The following TCP11 variants were observed in gnomAD, a reference collection of about 807,000 sequenced individuals.
TCP11 encodes the protein t-complex 11, also known as T-complex protein 11 homolog.
A neutral mutation model predicts 45.0 loss-of-function variants in TCP11; 34 were observed. The observed-to-expected ratio is 0.76, with a 90% CI of 0.57 to 1.01. The LOEUF (loss-of-function observed/expected upper bound fraction) is 1.01, where lower values mean the gene tolerates loss of function less well. TCP11 is among the 50% of genes least tolerant of loss of function. TCP11 has a pLI of 0.00. For missense variants in TCP11, 523 were observed against 598.1 expected, an observed-to-expected ratio of 0.87 and a Z score of 1.31; for synonymous variants, 227 against 227.0, an observed-to-expected ratio of 1.00 and a Z score of 0.00.
chr6:35,137,991 C>G (rs924251617), intron 2 of TCP11: 2 of 347,124 alleles, frequency 5.8e-6, no homozygotes, highest in Non-Finnish European at 1.1e-5. Flanking sequence ...GAGAATGCCC[C>G]TGTTCTTAGA....
intron 2 of TCP11, among the ~76,000 whole-genome samples, chr6:35,138,933 A>T (rs912485785): frequency 6.6e-6 from 1 of 152,216 alleles, no homozygotes; most frequent in Non-Finnish European, 1.5e-5. Context: ...CTTGCCTATA[A>T]TCCCAGCACT....
At position 35,120,553 on chromosome 6, in the gene TCP11, C is replaced by T; in HGVS notation, c.809G>A (p.Ser270Asn). Residue 270 changes from serine (S) to asparagine (N), a missense_variant, in exon 7 of 10, where the codon AGT (serine) becomes AAT (asparagine). Coordinates refer to ENST00000311875, the MANE Select transcript of TCP11 (RefSeq NM_001370687.1). This position sits in a 1 kb window ranked among gnomAD's most constrained non-coding sequence, Gnocchi z 4.9. ...PTCPDTSDSS[S>N]VAGPSPNEAA... ...CTCATTGGGAGAGGGGCCAGCCACA[C>T]TGGAGGAGTCAGAAGTGTCTGGGCA... The T allele has an allele frequency of 2.5e-6, 4 of 1,613,980 alleles. No homozygotes were observed. The highest frequency in any genetic ancestry group is 3.4e-6 in the Non-Finnish European group (4 of 1,180,030).
At position 35,141,255 on chromosome 6, in the gene TCP11, CGCGGCCTG is replaced by C. The variant is rs142118879; in HGVS notation, c.-73_-66del. 0.65 allele frequency: 871,399 copies of C among 1,340,718 alleles called. 293,284 individuals carry two copies. The highest frequency in any genetic ancestry group is 0.69 in the Non-Finnish European group (727,024 of 1,049,448). The allele number at this position is 1,340,718 out of a possible 1,614,324, so 83.1% of individuals were successfully genotyped here. A position where few individuals can be genotyped will look rare whatever the true frequency, so the allele number is the denominator to read the frequency against. On this transcript the variant is annotated 5_prime_UTR_variant, in exon 1 of 10. Coordinates refer to ENST00000311875, the MANE Select transcript of TCP11 (RefSeq NM_001370687.1). The stretch of plus-strand genomic sequence containing the variant: ...CCACTGGCGTCCGCTCGGTGGGCCT[CGCGGCCTG>C]GCGGCCTGGAGCGTACCACCGCGGC...
rs200719262 is a variant in TCP11, at chr6:35,140,816, T to C, written c.55A>G (p.Arg19Gly). 3.2e-5 allele frequency: 50 copies of C among 1,549,902 alleles called. No homozygotes were observed. In the Admixed American group the frequency reaches 1.0e-3, roughly 32 times the overall value. ...PPKYPGDSEGRSCKPETSGPP... is the reference protein window; with the variant it reads ...PPKYPGDSEGGSCKPETSGPP... ...CCTGAGGTTTCGGGCTTACAGGACC[T>C]GCCCTCTGAGTCGCCAGGATATTTC... Residue 19 changes from arginine to glycine, a missense_variant, in exon 2 of 10, where the codon AGG becomes GGG. This residue lies in a region of TCP11 where 225 missense variants were observed against 210.2 expected (regional missense o/e 1.07). Transcript: ENST00000311875.
rs1177713151 is a variant in TCP11, at chr6:35,120,771, G to A, written c.716-125C>T. 3 of 1,403,036 alleles carry A rather than the reference G, an allele frequency of 2.1e-6. No individual in the cohort carries two copies. The highest frequency in any genetic ancestry group is 2.9e-6 in the Non-Finnish European group (3 of 1,028,618). The allele number at this position is 1,403,036 out of a possible 1,614,324, so 86.9% of individuals were successfully genotyped here. On this transcript the variant is annotated intron_variant, in intron 6 of 9. Coordinates refer to ENST00000311875, the MANE Select transcript of TCP11 (RefSeq NM_001370687.1). This position sits in a 1 kb window ranked among gnomAD's most constrained non-coding sequence, Gnocchi z 4.9. ...ATGCTTTGAGGGTCTTTCTGTCTTA[G>A]ATAAATGTTCCTTCTCCCTCCCTTC...
chr6:35,119,186 T>C, intron 9 of TCP11, 42 bp downstream of exon 9: 1 of 1,609,528 alleles, frequency 6.2e-7, no homozygotes, highest in Non-Finnish European at 8.5e-7. Context: ...TTGGGATCTA[T>C]CTCTTCCCTC....
intron 8 of TCP11, among the ~76,000 whole-genome samples, chr6:35,119,863 T>C (rs534926924): frequency 6.6e-6 from 1 of 152,300 alleles, no homozygotes; most frequent in South Asian, 2.1e-4. Flanking sequence ...GTTCAATAAA[T>C]ATTGCTGACC....
Position 35,122,114 on chromosome 6 carries a change from T to C in TCP11, c.578+3A>G, listed in dbSNP as rs775526879. ...TTTTTGGGGGCAGTATCAAGTTTCATACCTCAGTAGCCAAACAGGATCCGT... is the reference window on the plus strand; with the variant it reads ...TTTTTGGGGGCAGTATCAAGTTTCACACCTCAGTAGCCAAACAGGATCCGT... On this transcript the variant is annotated splice_donor_region_variant and intron_variant, in intron 5 of 9. Transcript: ENST00000311875. The C allele has an allele frequency of 1.9e-5, 31 of 1,614,182 alleles. No homozygotes were observed. Among genetic ancestry groups the C allele is most frequent in the Non-Finnish European group, 2.5e-5 (30 of 1,180,002 alleles).
Position 35,120,057 on chromosome 6 carries a change from T to C in TCP11, c.1115+102A>G. 1 of 1,416,694 alleles carries C rather than the reference T, an allele frequency of 7.1e-7. No homozygotes were observed. Among genetic ancestry groups the C allele is most frequent in the Non-Finnish European group, 9.5e-7 (1 of 1,048,746 alleles). The allele number at this position is 1,416,694 out of a possible 1,614,324, so 87.8% of individuals were successfully genotyped here. A position where few individuals can be genotyped will look rare whatever the true frequency, so the allele number is the denominator to read the frequency against. On this transcript the variant is annotated intron_variant, in intron 8 of 9. Coordinates refer to ENST00000311875, the MANE Select transcript of TCP11 (RefSeq NM_001370687.1). The surrounding 1 kb of genome is among the most constrained non-coding windows in gnomAD (Gnocchi z 4.9). Reference sequence around the variant, plus strand: ...TCTTTGTAGATGGTTCCACAGGGCCTTTCTGTGGTTTGTGGTAGACAGTAA... The same window carrying C: ...TCTTTGTAGATGGTTCCACAGGGCCCTTCTGTGGTTTGTGGTAGACAGTAA...
At position 35,120,585 on chromosome 6, in the gene TCP11, A is replaced by G. The variant is rs1581799088; in HGVS notation, c.777T>C (p.Pro259=). Residue 259 remains proline (P), a synonymous_variant, in exon 7 of 10, where the codon CCT becomes CCC. Coordinates refer to ENST00000311875, the MANE Select transcript of TCP11 (RefSeq NM_001370687.1). This position sits in a 1 kb window ranked among gnomAD's most constrained non-coding sequence, Gnocchi z 4.9. ...AGTCAGAAGTGTCTGGGCAAGTCGG[A>G]GGTGACATGGTGAGGTCTCCTGCTG... ...TQAAGDLTMS[P]PTCPDTSDSS... 2 of 1,613,836 alleles carry G rather than the reference A, an allele frequency of 1.2e-6. No individual in the cohort carries two copies. Among genetic ancestry groups the G allele is most frequent in the Non-Finnish European group, 1.7e-6 (2 of 1,180,016 alleles).
chr6:35,123,394 T>C (rs1461414204), intron 4 of TCP11, among the ~76,000 whole-genome samples: 1 of 152,140 alleles, frequency 6.6e-6, no homozygotes, highest in African/African-American at 2.4e-5. Flanking sequence ...TCAGGAGCTT[T>C]TCAAGTGATA....
chr6:35,128,792 C>T, intron 4 of TCP11: 1 of 329,888 alleles, frequency 3.0e-6, no homozygotes, highest in Non-Finnish European at 5.5e-6. Context: ...TCTCTCAGCC[C>T]TAAGGGTATG....
chr6:35,119,168 T>G, intron 9 of TCP11, 60 bp downstream of exon 9: 1 of 1,588,868 alleles, frequency 6.3e-7, no homozygotes, highest in Non-Finnish European at 8.6e-7. Context: ...AAGGTTGGGG[T>G]TCCACGGTTG....
rs1017696883 is a variant in TCP11 at position 35,120,196 on chromosome 6, G to C, written c.1078C>G (p.Arg360Gly). 6.2e-7 allele frequency: 1 copy of C among 1,614,172 alleles called. No homozygotes were observed. The change falls in exon 8 of 10, where the codon CGC (arginine) becomes GGC (glycine). Residue 360 changes from arginine (R) to glycine (G), a missense_variant. Arg to Gly is a moderately radical substitution (Grantham distance 125). Coordinates refer to ENST00000311875, the MANE Select transcript of TCP11 (RefSeq NM_001370687.1). The surrounding 1 kb of genome is among the most constrained non-coding windows in gnomAD (Gnocchi z 4.9). ...GSPQFVDKLK[R>G]ITKSLLEDFH... ...TCTTCCAACAAGGATTTGGTTATGC[G>C]TTTCAGTTTATCTACAAATTGGGGT...
chr6:35,141,146 AGGTGCCCCCCT>A (rs1781728850), intron 1 of TCP11, 48 bp downstream of exon 1: 4 of 1,315,954 alleles, frequency 3.0e-6, no homozygotes, highest in Admixed American at 8.0e-5. Context: ...CTTCGCGGCG[AGGTGCCCCCCT>A]CGCCCGAAAC....
intron 4 of TCP11, among the ~76,000 whole-genome samples, chr6:35,123,038 G>A (rs372284913): frequency 3.9e-5 from 6 of 152,112 alleles, no homozygotes; most frequent in East Asian, 1.9e-4. Flanking sequence ...CTGCAAAAAC[G>A]GAGCTGGGCC....
In TCP11 at chr6:35,136,335, C is replaced by A. The variant is rs1358934155; in HGVS notation, c.125-117G>T. On this transcript the variant is annotated intron_variant, in intron 2 of 9. Transcript: ENST00000311875. ...TCAAACTGGTCTTACACAGACTCAC[C>A]CAACTATTCTAGTGATTTATGTTTT... 1.5e-5 allele frequency: 10 copies of A among 675,708 alleles called. No individual in the cohort carries two copies. In the African/African-American group the frequency reaches 1.8e-4, roughly 12 times the overall value. 41.9% of individuals were successfully genotyped at this position (675,708 alleles called of 1,614,324 possible).
At chr6:35,138,566 G>A (rs1781368076) in intron 2 of TCP11, among the ~76,000 whole-genome samples, 1 of 142,638 alleles carries the variant, frequency 7.0e-6, no homozygotes, top group Admixed American at 7.7e-5. Flanking sequence ...TAGAATGACA[G>A]ATAACCAGAG....
chr6:35,135,805 AT>A (rs1231534062), intron 3 of TCP11, among the ~76,000 whole-genome samples: 1 of 152,200 alleles, frequency 6.6e-6, no homozygotes, highest in Non-Finnish European at 1.5e-5. Flanking sequence ...GTAATTTGTT[AT>A]GCAGCAGCAG....
Sources: allele counts gnomAD v4.1 joint callset (sites outside exome capture counted in the v4.1 genomes callset), GRCh38; gene constraint gnomAD v4.1.1; regional missense constraint gnomAD v4.1.1; non-coding constraint Gnocchi (gnomAD v3.1); transcripts MANE v1.5; gene names NCBI Gene and HGNC (gene_info 2026-07-23, HGNC 2026-07-21).